Variants in TERB2 observed in about 807,000 individuals in gnomAD.
The protein encoded by TERB2 is telomere repeats-binding bouquet formation protein 2.
A neutral mutation model predicts 29.8 loss-of-function variants in TERB2; 26 were observed. That is an observed-to-expected ratio of 0.87 (90% CI 0.64 to 1.21). The LOEUF is 1.21. Ranked by LOEUF, TERB2 falls within the 50% of genes most tolerant of loss-of-function variation. The pLI, the probability that TERB2 is intolerant of heterozygous loss-of-function variation, is 0.00. For synonymous variants in TERB2, 80 were observed against 90.8 expected (o/e 0.88, Z 0.68); for missense variants, 240 against 268.6 (o/e 0.89, Z 0.74).
Position 44,978,762 on chromosome 15 carries a change from C to G in TERB2, c.*134C>G. The G allele has an allele frequency of 8.6e-7, 1 of 1,164,334 alleles. No homozygotes were observed. The highest frequency in any genetic ancestry group is 1.1e-6 in the Non-Finnish European group (1 of 896,576). 72.1% of individuals were successfully genotyped at this position (1,164,334 alleles called of 1,614,324 possible). ...AATTTTTCTGTTTCTCAAAGTATAT[C>G]TTTAGGAAATACAGAATCATTTTGG... On this transcript the variant is annotated 3_prime_UTR_variant, in exon 7 of 7. Transcript: ENST00000340827.
At chr15:44,969,843 TG>T (rs951176669) in intron 5 of TERB2, among the ~76,000 whole-genome samples, 4 of 151,344 alleles carry the variant, frequency 2.6e-5, no homozygotes, top group African/African-American at 9.8e-5. Flanking sequence ...TCTTAGAATA[TG>T]GAGCTGGAGG....
chr15:44,965,954 A>G (rs1296304475), intron 4 of TERB2, among the ~76,000 whole-genome samples: 1 of 152,078 alleles, frequency 6.6e-6, no homozygotes, highest in African/African-American at 2.4e-5. Flanking sequence ...TGTCTCCAAA[A>G]ATATATAGTA....
intron 3 of TERB2, among the ~76,000 whole-genome samples, chr15:44,959,199 T>A (rs1205989821): frequency 2.0e-5 from 3 of 152,162 alleles, no homozygotes; most frequent in East Asian, 1.9e-4. Context: ...CTGTATTTTT[T>A]AAAATACATT....
At chr15:44,968,341 G>C (rs192271189) in intron 5 of TERB2, among the ~76,000 whole-genome samples, 1 of 151,788 alleles carries the variant, frequency 6.6e-6, no homozygotes, top group Non-Finnish European at 1.5e-5. Context: ...TTGGCCTCCC[G>C]AGCAGCTGGG....
Position 44,958,420 on chromosome 15 carries a change from A to C in TERB2, c.194A>C (p.His65Pro). Residue 65 changes from histidine (H) to proline (P), a missense_variant, in exon 3 of 7, where the codon CAT (histidine) becomes CCT (proline). By Grantham distance (77) the His-to-Pro change is moderately conservative. Coordinates refer to ENST00000340827, the MANE Select transcript of TERB2 (RefSeq NM_152448.3). ...ATAGAAGATAATGCTACAGTTTTTC[A>C]TGCCTACTATCTCTCTGCGGTAGCT... Reference protein sequence around the residue: ...DYIEDNATVFHAYYLSAVANA... With the variant: ...DYIEDNATVFPAYYLSAVANA... 1 of 1,614,012 alleles carries C rather than the reference A, an allele frequency of 6.2e-7. No individual in the cohort carries two copies.
intron 3 of TERB2, among the ~76,000 whole-genome samples, chr15:44,958,901 G>A (rs1057121420): frequency 2.6e-5 from 4 of 152,074 alleles, no homozygotes; most frequent in African/African-American, 9.7e-5. Flanking sequence ...ATAATAGGCC[G>A]GGTGCGGTAG....
intron 5 of TERB2, among the ~76,000 whole-genome samples, chr15:44,966,761 AT>A (rs1189562606): frequency 6.6e-6 from 1 of 152,194 alleles, no homozygotes; most frequent in African/African-American, 2.4e-5. Context: ...GTGGTGAGTG[AT>A]TTCCCATCTT....
intron 5 of TERB2, among the ~76,000 whole-genome samples, chr15:44,966,754 G>A (rs932005031): frequency 6.6e-6 from 1 of 152,118 alleles, no homozygotes; most frequent in Admixed American, 6.6e-5. Flanking sequence ...ATGAAAAGTG[G>A]TGAGTGATTT....
intron 3 of TERB2, among the ~76,000 whole-genome samples, chr15:44,959,943 G>A (rs1485633489): frequency 6.6e-6 from 1 of 152,140 alleles, no homozygotes; most frequent in Non-Finnish European, 1.5e-5. Flanking sequence ...TCCTTCCATA[G>A]TCAATGTCCT....
At chr15:44,974,100 T>C (rs933796842) in intron 6 of TERB2, 145 bp downstream of exon 6, 30 of 888,854 alleles carry the variant, frequency 3.4e-5, no homozygotes, top group Non-Finnish European at 4.2e-5. Context: ...CACTTAAATA[T>C]TGAATAAATT....
At chr15:44,957,062 G>C in intron 2 of TERB2, 85 bp downstream of exon 2, 1 of 1,399,626 alleles carries the variant, frequency 7.1e-7, no homozygotes, top group Non-Finnish European at 9.9e-7. Flanking sequence ...AATAAATATT[G>C]ATGAGGCTGG....
chr15:44,968,388 T>A (rs2084629686), intron 5 of TERB2, among the ~76,000 whole-genome samples: 2 of 151,374 alleles, frequency 1.3e-5, no homozygotes, highest in Non-Finnish European at 2.9e-5. Flanking sequence ...ACCAGCTAAT[T>A]GTTTGTATTT....
rs1413396507 is a variant in TERB2, at chr15:44,973,925, C to T, written c.493C>T (p.Gln165Ter). 8 of 1,599,938 alleles carry T rather than the reference C, an allele frequency of 5.0e-6. No individual in the cohort carries two copies. Among genetic ancestry groups the T allele is most frequent in the Non-Finnish European group, 6.8e-6 (8 of 1,172,316 alleles). ...AGAAAAGCAGATGTACTTCCCTCTA[C>T]AGAATTACCCAGTTAACAACATGGT... ...VVEKQMYFPL[Q>*]NYPVNNMVTG... is the part of the protein sequence containing the mutation. Residue 165 changes from glutamine to a stop codon, truncating the protein, a stop_gained, in exon 6 of 7, where the codon CAG becomes TAG. Coordinates refer to ENST00000340827, the MANE Select transcript of TERB2 (RefSeq NM_152448.3). LOFTEE classifies it high-confidence loss of function.
intron 3 of TERB2, among the ~76,000 whole-genome samples, chr15:44,959,687 C>T (rs1891772471): frequency 6.6e-6 from 1 of 152,030 alleles, no homozygotes; most frequent in South Asian, 2.1e-4. Context: ...TTTAACTAGC[C>T]CATGGGTAGG....
intron 5 of TERB2, among the ~76,000 whole-genome samples, chr15:44,968,926 G>C (rs1318859031): frequency 1.3e-5 from 2 of 151,360 alleles, no homozygotes; most frequent in African/African-American, 2.4e-5. Context: ...TATTTACTTA[G>C]TTTGTGTGTG....
In TERB2 at chr15:44,978,651, G is replaced by C. The variant is rs765369943; in HGVS notation, c.*23G>C. ...TAGTAAATTAAATTGTAAATACCTT[G>C]GCATTTATTTTCTATAAAATATTAT... is the stretch of plus-strand genomic sequence containing the variant. On this transcript the variant is annotated 3_prime_UTR_variant, in exon 7 of 7. Transcript: ENST00000340827. The C allele has an allele frequency of 7.1e-5, 110 of 1,558,732 alleles. No homozygotes were observed. Among genetic ancestry groups the C allele is most frequent in the Non-Finnish European group, 9.2e-5 (106 of 1,152,940 alleles).
chr15:44,960,104 G>A (rs1891778017), intron 3 of TERB2, among the ~76,000 whole-genome samples: 1 of 152,044 alleles, frequency 6.6e-6, no homozygotes, highest in Non-Finnish European at 1.5e-5. Flanking sequence ...GAATGGCTGT[G>A]ATTTAATTTA....
At chr15:44,964,988 C>G (rs1489392339) in intron 4 of TERB2, among the ~76,000 whole-genome samples, 1 of 151,282 alleles carries the variant, frequency 6.6e-6, no homozygotes, top group South Asian at 2.1e-4. Flanking sequence ...ATGGCAAAAC[C>G]CCGTCTCTAC....
At chr15:44,975,010 T>C (rs1268772114) in intron 6 of TERB2, among the ~76,000 whole-genome samples, 3 of 152,160 alleles carry the variant, frequency 2.0e-5, no homozygotes, top group African/African-American at 7.2e-5. Context: ...TTTTGTATTA[T>C]TGCTGGATAA....
Sources: gnomAD v4.1 joint callset for allele counts (sites outside exome capture counted in the v4.1 genomes callset) on GRCh38, gnomAD v4.1.1 for gene constraint, MANE v1.5 for transcripts, NCBI Gene and HGNC (gene_info 2026-07-23, HGNC 2026-07-21) for gene names.